Variants in LRRC39 observed in about 807,000 individuals in gnomAD.
The protein encoded by LRRC39 is leucine-rich repeat-containing protein 39.
LRRC39 carries 35 observed loss-of-function variants against 39.7 expected under a neutral mutation model. The ratio of observed to expected loss-of-function variants is 0.88; its 90% confidence interval spans 0.67 to 1.17. The LOEUF (loss-of-function observed/expected upper bound fraction) is 1.17. Ranked by LOEUF, LRRC39 falls within the 50% of genes most tolerant of loss-of-function variation. The probability of loss-of-function intolerance (pLI) is 0.00; values close to 1 mark genes in which losing one functional copy is unlikely to be tolerated. For synonymous variants in LRRC39, 113 were observed against 134.1 expected, an observed-to-expected ratio of 0.84 and a Z score of 1.09; for missense variants, 357 against 385.8, an observed-to-expected ratio of 0.93 and a Z score of 0.62.
intron 1 of LRRC39, among the ~76,000 whole-genome samples, chr1:100,174,115 T>A (rs149357152): frequency 3.3e-5 from 5 of 152,252 alleles, no homozygotes; most frequent in African/African-American, 1.2e-4. Flanking sequence ...GGATACAAAA[T>A]AGCCCAGACA....
At chr1:100,174,872 C>A (rs183734291) in intron 1 of LRRC39, among the ~76,000 whole-genome samples, 1 of 152,148 alleles carries the variant, frequency 6.6e-6, no homozygotes, top group South Asian at 2.1e-4. Flanking sequence ...TAATCCCCAA[C>A]GTTGGAGGTG....
chr1:100,149,125 T>C, intron 9 of LRRC39, 28 bp from the exon 10 acceptor site: 4 of 1,579,772 alleles, frequency 2.5e-6, no homozygotes, highest in Non-Finnish European at 3.4e-6. Context: ...TGTCAACACA[T>C]AATTAGCGTA....
At chr1:100,166,333 C>G (rs908352576) in intron 3 of LRRC39, among the ~76,000 whole-genome samples, 6 of 152,146 alleles carry the variant, frequency 3.9e-5, no homozygotes, top group Non-Finnish European at 8.8e-5. Flanking sequence ...GAGGTTGGAA[C>G]AGCTGGATGG....
chr1:100,148,876 A>G lies in LRRC39; in HGVS notation c.*166T>C, dbSNP rs1311472048. On this transcript the variant is annotated 3_prime_UTR_variant, in exon 10 of 10. Coordinates refer to ENST00000370137, the MANE Select transcript of LRRC39 (RefSeq NM_144620.4). ...CCACCAAAAAAAATTTTTTAATTAT[A>G]TTTTTATATCAAAAAAATATATACT... The G allele has an allele frequency of 4.2e-6, 5 of 1,184,872 alleles. No individual in the cohort carries two copies. Among genetic ancestry groups the G allele is most frequent in the Non-Finnish European group, 4.4e-6 (4 of 911,394 alleles). 73.4% of individuals were successfully genotyped at this position (1,184,872 alleles called of 1,614,324 possible). A position where few individuals can be genotyped will look rare whatever the true frequency, so the allele number is the denominator to read the frequency against.
At chr1:100,155,012 A>C (rs1410046508) in intron 8 of LRRC39, 39 bp downstream of exon 8, 9 of 1,519,758 alleles carry the variant, frequency 5.9e-6, no homozygotes, top group Non-Finnish European at 7.0e-6. Flanking sequence ...AGCCAGAAAG[A>C]AAGCAAGGTT....
intron 3 of LRRC39, 69 bp from the exon 4 acceptor site, chr1:100,160,640 TG>T (rs2101778176): frequency 1.1e-5 from 13 of 1,194,828 alleles, no homozygotes; most frequent in South Asian, 2.8e-5. Flanking sequence ...TTTTTTTTTT[TG>T]AGAGAGAGAG....
In LRRC39 at chr1:100,150,544, TATC is replaced by T. The variant is rs1657892730; in HGVS notation, c.953-1450_953-1448del. On this transcript the variant is annotated intron_variant, in intron 9 of 9. Coordinates refer to ENST00000370137, the MANE Select transcript of LRRC39 (RefSeq NM_144620.4). ...AAAATATACATACACACCCAAGAAT[TATC>T]ATACAGAAACAGTTCTGTGGCCCAT... The T allele has an allele frequency of 3.3e-5, 5 of 152,308 alleles. No homozygotes were observed. The South Asian group carries it at 1.0e-3, about 32-fold the overall frequency. The allele number at this position is 152,308 out of a possible 1,614,324, so 9.4% of individuals were successfully genotyped here.
intron 2 of LRRC39, among the ~76,000 whole-genome samples, chr1:100,172,803 AC>A (rs1245613887): frequency 6.6e-6 from 1 of 152,100 alleles, no homozygotes; most frequent in African/African-American, 2.4e-5. Flanking sequence ...TACTAAAAAT[AC>A]AAAAAATTAG....
At chr1:100,159,142 T>C in intron 5 of LRRC39, 117 bp downstream of exon 5, 1 of 776,812 alleles carries the variant, frequency 1.3e-6, no homozygotes, top group Non-Finnish European at 1.9e-6. Flanking sequence ...TGTTTAAAAT[T>C]CTCAAGGTTG....
chr1:100,177,537 T>C (rs1385628731), intron 1 of LRRC39, among the ~76,000 whole-genome samples: 1 of 152,236 alleles, frequency 6.6e-6, no homozygotes, highest in Non-Finnish European at 1.5e-5. Flanking sequence ...AACCTTGGGA[T>C]ACATACACTG....
At chr1:100,151,978 CAAAA>C (rs1290151433) in intron 9 of LRRC39, among the ~76,000 whole-genome samples, 3 of 150,952 alleles carry the variant, frequency 2.0e-5, no homozygotes, top group Admixed American at 6.6e-5. Context: ...AACAAACAAA[CAAAA>C]AACTGTGTTC....
chr1:100,172,087 A>G (rs1659655142), intron 2 of LRRC39, among the ~76,000 whole-genome samples: 1 of 152,220 alleles, frequency 6.6e-6, no homozygotes, highest in Admixed American at 6.5e-5. Context: ...ATGACACAAT[A>G]GAATACAATA....
intron 3 of LRRC39, among the ~76,000 whole-genome samples, chr1:100,167,071 C>T (rs947095724): frequency 2.0e-5 from 3 of 152,104 alleles, no homozygotes; most frequent in Non-Finnish European, 4.4e-5. Context: ...GTCTCATTCC[C>T]CTAGAAGGTA....
chr1:100,165,370 T>TTCC (rs1659171720), intron 3 of LRRC39, among the ~76,000 whole-genome samples: 3 of 152,150 alleles, frequency 2.0e-5, no homozygotes, highest in Non-Finnish European at 4.4e-5. Flanking sequence ...ACTTCTGAAA[T>TTCC]TTCTGAAATT....
At chr1:100,171,762 C>T (rs1659627480) in intron 2 of LRRC39, among the ~76,000 whole-genome samples, 1 of 151,308 alleles carries the variant, frequency 6.6e-6, no homozygotes, top group African/African-American at 2.4e-5. Context: ...ACCTCAGCCT[C>T]CCAAAGTGCT....
chr1:100,150,809 T>A (rs72973707), intron 9 of LRRC39, among the ~76,000 whole-genome samples: 1 of 152,040 alleles, frequency 6.6e-6, no homozygotes, highest in African/African-American at 2.4e-5. Flanking sequence ...TTACCACAAC[T>A]TGCATGTTCC....
In LRRC39 at chr1:100,148,620, T is replaced by C; in HGVS notation, c.*422A>G. ...CAATGTTTTGTGTGTGTTTATTCAA[T>C]TTAGGCTTCTTAGTGTTGAAGAAAA... On this transcript the variant is annotated 3_prime_UTR_variant, in exon 10 of 10. Coordinates refer to ENST00000370137, the MANE Select transcript of LRRC39 (RefSeq NM_144620.4). The C allele has an allele frequency of 6.3e-7, 1 of 1,597,502 alleles. No homozygotes were observed.
chr1:100,160,651 G>GAGA, intron 3 of LRRC39, 80 bp from the exon 4 acceptor site: 1 of 1,158,918 alleles, frequency 8.6e-7, no homozygotes. Flanking sequence ...GAGAGAGAGA[G>GAGA]TTTCACTCTT....
intron 2 of LRRC39, among the ~76,000 whole-genome samples, chr1:100,170,019 A>G (rs1339915490): frequency 1.3e-5 from 2 of 152,218 alleles, no homozygotes; most frequent in African/African-American, 4.8e-5. Flanking sequence ...AAGTTAATAT[A>G]CAAAGGTTGT....
Sources: gnomAD v4.1 joint callset for allele counts (sites outside exome capture counted in the v4.1 genomes callset) on GRCh38, gnomAD v4.1.1 for gene constraint, MANE v1.5 for transcripts, NCBI Gene and HGNC (gene_info 2026-07-23, HGNC 2026-07-21) for gene names.